Variants in GALNTL6 observed in about 807,000 individuals in gnomAD.
The protein encoded by GALNTL6 is polypeptide N-acetylgalactosaminyltransferase like 6.
GALNTL6 carries 46 observed loss-of-function variants against 73.7 expected under a neutral mutation model. The ratio of observed to expected loss-of-function variants is 0.62; its 90% CI spans 0.49 to 0.80. GALNTL6 has a LOEUF of 0.80. GALNTL6 is among the 30% of genes least tolerant of loss of function. GALNTL6 has a pLI of 0.00. For missense variants in GALNTL6, 604 were observed against 755.0 expected (o/e 0.80, Z 2.34); for synonymous variants, 259 against 263.7 (o/e 0.98, Z 0.17).
At chr4:172,130,180 A>AT (rs1473430555) in intron 2 of GALNTL6, among the ~76,000 whole-genome samples, 11 of 78,304 alleles carry the variant, frequency 1.4e-4, no homozygotes, top group Admixed American at 4.1e-4. Flanking sequence ...CTCATTACAG[A>AT]ATTTTTTTTT....
chr4:172,893,208 AG>A (rs1746132430), intron 8 of GALNTL6, among the ~76,000 whole-genome samples: 1 of 152,156 alleles, frequency 6.6e-6, no homozygotes, highest in Non-Finnish European at 1.5e-5. Flanking sequence ...TCCACGCTGT[AG>A]GGATCCCTGA....
rs573772458 is a variant in GALNTL6 at position 172,274,553 on chromosome 4, C to T, written c.248-37061C>T. ...GTTCATATCTTTCTCTCTACTCATC[C>T]CAGAGCATCAGAGTGTTTGATCTAT... On this transcript the variant is annotated intron_variant, in intron 3 of 12. Coordinates refer to ENST00000506823, the MANE Select transcript of GALNTL6 (RefSeq NM_001034845.3). Among the ~76,000 whole-genome samples the T allele has an allele frequency of 2.1e-4, 32 of 152,046 alleles. 1 individual carries two copies. Among genetic ancestry groups the T allele is most frequent in the Non-Finnish European group, 4.0e-4 (27 of 68,004 alleles).
chr4:172,764,681 A>G (rs1394699667), intron 5 of GALNTL6, among the ~76,000 whole-genome samples: 1 of 152,162 alleles, frequency 6.6e-6, no homozygotes, highest in Non-Finnish European at 1.5e-5. Context: ...TGCACCTGAA[A>G]GTAAAAAAAA....
chr4:171,944,243 T>C (rs2111019000), intron 2 of GALNTL6, among the ~76,000 whole-genome samples: 1 of 152,222 alleles, frequency 6.6e-6, no homozygotes, highest in Admixed American at 6.5e-5. Flanking sequence ...ACCTTATTAA[T>C]TGTAGCTTTC....
chr4:172,601,847 A>C (rs1419299068), intron 5 of GALNTL6, among the ~76,000 whole-genome samples: 1 of 149,220 alleles, frequency 6.7e-6, no homozygotes, highest in Non-Finnish European at 1.5e-5. Context: ...TACCAAATTT[A>C]ATGAAAACCT....
In GALNTL6 at chr4:172,485,405, A is replaced by G. The variant is rs337991; in HGVS notation, c.553+136716A>G. ...AGAGTACATCTCGCATAATGTTACT[A>G]TACAATACTATAATGTATTGTTTTA... On this transcript the variant is annotated intron_variant, in intron 5 of 12. Transcript: ENST00000506823. Among the ~76,000 whole-genome samples, 257 of 152,168 alleles carry G rather than the reference A, an allele frequency of 1.7e-3. 1 individual carries two copies. Among genetic ancestry groups the G allele is most frequent in the Non-Finnish European group, 2.6e-3 (179 of 67,926 alleles).
chr4:172,844,080 A>T (rs963783884), intron 7 of GALNTL6, among the ~76,000 whole-genome samples: 3 of 152,176 alleles, frequency 2.0e-5, no homozygotes, highest in Non-Finnish European at 4.4e-5. Context: ...ATAAATAAAT[A>T]AAAATAATGG....
At chr4:172,405,402 G>GAGATATAT (rs1744173762) in intron 5 of GALNTL6, among the ~76,000 whole-genome samples, 8 of 57,960 alleles carry the variant, frequency 1.4e-4, no homozygotes, top group East Asian at 9.3e-4. Flanking sequence ...ACTTATACTT[G>GAGATATAT]ATATATATAT....
intron 2 of GALNTL6, among the ~76,000 whole-genome samples, chr4:171,885,422 G>T (rs958458466): frequency 7.9e-5 from 12 of 152,064 alleles, no homozygotes; most frequent in Non-Finnish European, 1.2e-4. Flanking sequence ...AAATTCATTT[G>T]GGGGACTCTT....
intron 2 of GALNTL6, among the ~76,000 whole-genome samples, chr4:172,072,365 T>A (rs1731571099): frequency 6.6e-6 from 1 of 152,184 alleles, no homozygotes; most frequent in South Asian, 2.1e-4. Context: ...ATCTTTTTAA[T>A]ACTCCTTTCT....
intron 5 of GALNTL6, among the ~76,000 whole-genome samples, chr4:172,803,581 G>A (rs1740785187): frequency 1.3e-5 from 2 of 152,138 alleles, no homozygotes; most frequent in South Asian, 4.1e-4. Flanking sequence ...AGGTGGTGAT[G>A]TGTCTTCCTA....
chr4:172,635,776 C>A (rs1265601235), intron 5 of GALNTL6, among the ~76,000 whole-genome samples: 1 of 152,250 alleles, frequency 6.6e-6, no homozygotes, highest in African/African-American at 2.4e-5. Context: ...TATTTTTGAG[C>A]AAGCTTTATA....
intron 5 of GALNTL6, among the ~76,000 whole-genome samples, chr4:172,717,123 C>CA (rs5864161): frequency 0.81 from 123,010 of 152,108 alleles, 50,431 homozygotes; most frequent in Middle Eastern, 0.93. Context: ...CTCTAAGTTA[C>CA]AAAAAATTCA....
intron 2 of GALNTL6, among the ~76,000 whole-genome samples, chr4:171,950,688 C>T (rs891628786): frequency 3.3e-5 from 5 of 152,028 alleles, no homozygotes; most frequent in African/African-American, 1.2e-4. Flanking sequence ...CCATGTCAGC[C>T]AGGCTGGTCT....
intron 3 of GALNTL6, among the ~76,000 whole-genome samples, chr4:172,277,606 T>G (rs890592677): frequency 6.6e-6 from 1 of 152,150 alleles, no homozygotes; most frequent in African/African-American, 2.4e-5. Flanking sequence ...ATAATAACAT[T>G]ACGAACAATT....
intron 5 of GALNTL6, among the ~76,000 whole-genome samples, chr4:172,600,406 C>T (rs1044676447): frequency 1.3e-5 from 2 of 152,102 alleles, no homozygotes; most frequent in African/African-American, 4.8e-5. Flanking sequence ...AACAGCAAGA[C>T]TCAAACACAG....
At chr4:171,898,936 T>C (rs552923175) in intron 2 of GALNTL6, among the ~76,000 whole-genome samples, 1 of 152,094 alleles carries the variant, frequency 6.6e-6, no homozygotes, top group South Asian at 2.1e-4. Flanking sequence ...AAGCAAGCAA[T>C]TGAGTTTCAA....
intron 2 of GALNTL6, among the ~76,000 whole-genome samples, chr4:172,018,575 C>A (rs147762854): frequency 1.3e-5 from 2 of 152,002 alleles, no homozygotes; most frequent in African/African-American, 4.8e-5. Context: ...TTAACAGCTC[C>A]GAGTTTAGAT....
intron 2 of GALNTL6, among the ~76,000 whole-genome samples, chr4:172,174,934 G>A (rs1734943482): frequency 6.6e-6 from 1 of 152,054 alleles, no homozygotes; most frequent in Admixed American, 6.6e-5. Flanking sequence ...TCAATAGTTG[G>A]TACATACACA....
Sources: gnomAD v4.1 joint callset for allele counts (sites outside exome capture counted in the v4.1 genomes callset) on GRCh38, gnomAD v4.1.1 for gene constraint, MANE v1.5 for transcripts, NCBI Gene and HGNC (gene_info 2026-07-23, HGNC 2026-07-21) for gene names.